The following OGDH variants were observed in gnomAD, a reference collection of about 807,000 sequenced individuals.
OGDH encodes the protein 2-oxoglutarate dehydrogenase complex component E1.
A neutral mutation model predicts 116.6 loss-of-function variants in OGDH; 38 were observed. The observed-to-expected ratio is 0.33, with a 90% confidence interval of 0.25 to 0.43. OGDH has a LOEUF of 0.43. OGDH is among the 20% of genes least tolerant of loss of function. The probability of loss-of-function intolerance (pLI) is 1.00; values close to 1 mark genes in which losing one functional copy is unlikely to be tolerated. For synonymous variants in OGDH, 488 were observed against 533.3 expected (o/e 0.92, Z 1.17); for missense variants, 825 against 1,357.2 (o/e 0.61, Z 6.16).
At chr7:44,613,582 A>G (rs1327465291) in intron 1 of OGDH, among the ~76,000 whole-genome samples, 1 of 151,654 alleles carries the variant, frequency 6.6e-6, no homozygotes, top group African/African-American at 2.4e-5. Context: ...GATGGTCTCA[A>G]TCTCCTGGCC....
At chr7:44,637,282 T>C (rs139957589) in intron 2 of OGDH, among the ~76,000 whole-genome samples, 1 of 152,204 alleles carries the variant, frequency 6.6e-6, no homozygotes, top group African/African-American at 2.4e-5. Flanking sequence ...GCTCAGACCG[T>C]GGGCCCCTCC....
intron 1 of OGDH, among the ~76,000 whole-genome samples, chr7:44,607,619 A>G (rs2117189235): frequency 6.6e-6 from 1 of 151,908 alleles, no homozygotes; most frequent in Middle Eastern, 3.4e-3. Context: ...GACCTAGGAG[A>G]GTATGTAACA....
At chr7:44,636,561 C>A (rs1785679848) in intron 2 of OGDH, among the ~76,000 whole-genome samples, 1 of 152,252 alleles carries the variant, frequency 6.6e-6, no homozygotes, top group Non-Finnish European at 1.5e-5. Context: ...GGCTGAATAT[C>A]ATCTGAATTT....
chr7:44,619,215 T>G (rs1784916704), intron 1 of OGDH, among the ~76,000 whole-genome samples: 1 of 152,162 alleles, frequency 6.6e-6, no homozygotes, highest in East Asian at 1.9e-4. Flanking sequence ...AGTAAGTGTT[T>G]CCTGAAATTT....
intron 4 of OGDH, among the ~76,000 whole-genome samples, chr7:44,663,511 T>TTGGGAGACTG (rs1486981718): frequency 1.3e-5 from 2 of 152,094 alleles, no homozygotes; most frequent in African/African-American, 4.8e-5. Flanking sequence ...GCTCACGCCT[T>TTGGGAGACTG]TAATCCCAGC....
At chr7:44,639,112 A>G (rs1785805069) in intron 2 of OGDH, among the ~76,000 whole-genome samples, 2 of 152,198 alleles carry the variant, frequency 1.3e-5, no homozygotes, top group South Asian at 2.1e-4. Context: ...ATGCTGGGGC[A>G]TGGGAGCAAG....
At chr7:44,692,738 T>C (rs1483004796) in intron 10 of OGDH, among the ~76,000 whole-genome samples, 1 of 152,162 alleles carries the variant, frequency 6.6e-6, no homozygotes, top group Non-Finnish European at 1.5e-5. Flanking sequence ...ATGAAGCCTT[T>C]AAATTTTCTT....
intron 4 of OGDH, among the ~76,000 whole-genome samples, chr7:44,650,961 T>G (rs1046146980): frequency 2.0e-5 from 3 of 152,166 alleles, no homozygotes; most frequent in Non-Finnish European, 2.9e-5. Flanking sequence ...AGTTTCTCCC[T>G]CTCCTTGGGG....
intron 20 of OGDH, among the ~76,000 whole-genome samples, chr7:44,705,165 G>A (rs1184415411): frequency 1.4e-5 from 2 of 138,018 alleles, no homozygotes; most frequent in Non-Finnish European, 3.0e-5. Flanking sequence ...CCATTCTCCT[G>A]CCTCAGCCTC....
chr7:44,684,516 A>T (rs1005513619), intron 10 of OGDH, among the ~76,000 whole-genome samples: 2 of 152,214 alleles, frequency 1.3e-5, no homozygotes, highest in Admixed American at 1.3e-4. Flanking sequence ...GCTACCACTT[A>T]CTGCCTACTG....
chr7:44,690,261 A>G (rs1249712914), intron 10 of OGDH, among the ~76,000 whole-genome samples: 3 of 152,194 alleles, frequency 2.0e-5, no homozygotes, highest in African/African-American at 4.8e-5. Flanking sequence ...ATTCCTCCTC[A>G]TTGGAAGTAT....
chr7:44,664,231 G>A (rs1377287173), intron 4 of OGDH, among the ~76,000 whole-genome samples: 2 of 152,176 alleles, frequency 1.3e-5, no homozygotes, highest in Non-Finnish European at 2.9e-5. Flanking sequence ...CAGCAGAGGT[G>A]GAAGTCCTTC....
At chr7:44,668,343 A>G (rs538503947) in intron 5 of OGDH, among the ~76,000 whole-genome samples, 2 of 152,196 alleles carry the variant, frequency 1.3e-5, no homozygotes, top group Non-Finnish European at 2.9e-5. Context: ...AGGCTGACGC[A>G]GATAATTGCT....
chr7:44,698,277 G>T lies in OGDH; in HGVS notation c.2430+14G>T. On this transcript the variant is annotated intron_variant, in intron 18 of 22. Transcript: ENST00000222673. ...GATGTCCTGCCAGTGAGTAATACAG[G>T]CCCTGTCAGCCCAGCCATTCTCGGG... 1 of 1,613,038 alleles carries T rather than the reference G, an allele frequency of 6.2e-7. No individual in the cohort carries two copies. Among genetic ancestry groups the T allele is most frequent in the South Asian group, 1.1e-5 (1 of 91,044 alleles).
intron 2 of OGDH, among the ~76,000 whole-genome samples, chr7:44,644,189 G>A (rs1243966782): frequency 2.0e-5 from 3 of 152,212 alleles, no homozygotes; most frequent in Non-Finnish European, 4.4e-5. Flanking sequence ...GCAACAGAGC[G>A]AGACTTCATC....
intron 14 of OGDH, 94 bp downstream of exon 14, chr7:44,696,651 T>G: frequency 6.5e-7 from 1 of 1,536,684 alleles, no homozygotes; most frequent in Non-Finnish European, 8.8e-7. Flanking sequence ...ACCCATCATG[T>G]GTCCTACAGA....
At position 44,707,855 on chromosome 7, in the gene OGDH, C is replaced by T. The variant is rs1340767826; in HGVS notation, c.2952-24C>T. On this transcript the variant is annotated intron_variant, in intron 22 of 22. Coordinates refer to ENST00000222673, the MANE Select transcript of OGDH (RefSeq NM_002541.4). This position sits in a 1 kb window ranked among gnomAD's most constrained non-coding sequence, Gnocchi z 5.2. Reference sequence around the variant, plus strand: ...GCCAACTCAGTGTCCCCTGCCCTCACTGCCCCCTCCCTCCATCTCTCAGGT... The same window carrying T: ...GCCAACTCAGTGTCCCCTGCCCTCATTGCCCCCTCCCTCCATCTCTCAGGT... The T allele has an allele frequency of 2.5e-6, 4 of 1,610,382 alleles. No homozygotes were observed. The highest frequency in any genetic ancestry group is 3.4e-6 in the Non-Finnish European group (4 of 1,178,290).
At chr7:44,624,707 C>T (rs987524123) in intron 2 of OGDH, 142 bp downstream of exon 2, 24 of 716,098 alleles carry the variant, frequency 3.4e-5, no homozygotes, top group African/African-American at 3.0e-4. Context: ...GTATCTGTAT[C>T]GGACCCAGCA....
At chr7:44,700,771 G>A (rs1053311871) in intron 19 of OGDH, among the ~76,000 whole-genome samples, 2 of 152,182 alleles carry the variant, frequency 1.3e-5, no homozygotes, top group African/African-American at 4.8e-5. Flanking sequence ...CCAGCACTTT[G>A]TGAGGCCGAG....
Sources: allele counts gnomAD v4.1 joint callset (sites outside exome capture counted in the v4.1 genomes callset), GRCh38; gene constraint gnomAD v4.1.1; non-coding constraint Gnocchi (gnomAD v3.1); transcripts MANE v1.5; gene names NCBI Gene and HGNC (gene_info 2026-07-23, HGNC 2026-07-21).